NCAM2: variants seen among roughly 807,000 people sequenced by gnomAD.
The protein encoded by NCAM2 is neural cell adhesion molecule 2.
A neutral mutation model predicts 98.1 loss-of-function variants in NCAM2; 30 were observed. That is an observed-to-expected ratio of 0.31 (90% CI 0.23 to 0.41). NCAM2 has a LOEUF of 0.41. Ranked by LOEUF, NCAM2 falls within the 10% of genes least tolerant of loss-of-function variation. The pLI is 1.00. For synonymous variants in NCAM2, 368 were observed against 342.4 expected (o/e 1.07, Z -0.83); for missense variants, 867 against 1,005.8 (o/e 0.86, Z 1.87).
intron 1 of NCAM2, among the ~76,000 whole-genome samples, chr21:21,129,376 AAAG>A (rs1181496186): frequency 6.6e-6 from 1 of 152,182 alleles, no homozygotes; most frequent in Non-Finnish European, 1.5e-5. Flanking sequence ...ATAGCAAATA[AAAG>A]AAGGTTAAAG....
intron 1 of NCAM2, among the ~76,000 whole-genome samples, chr21:21,266,629 A>T (rs201506166): frequency 1.3e-5 from 2 of 151,988 alleles, no homozygotes; most frequent in Non-Finnish European, 2.9e-5. Context: ...GGACAAAAAA[A>T]CAAACACCGT....
chr21:21,205,671 G>A (rs1453789282), intron 1 of NCAM2, among the ~76,000 whole-genome samples: 1 of 152,024 alleles, frequency 6.6e-6, no homozygotes, highest in East Asian at 1.9e-4. Flanking sequence ...TTCAAGAAAT[G>A]TTAGGAGTGA....
intron 11 of NCAM2, among the ~76,000 whole-genome samples, chr21:21,421,394 A>T (rs2077108040): frequency 6.9e-6 from 1 of 144,262 alleles, no homozygotes; most frequent in South Asian, 2.3e-4. Flanking sequence ...AAATTTTTTG[A>T]ATATTTTTCA....
intron 12 of NCAM2, among the ~76,000 whole-genome samples, chr21:21,455,417 T>C (rs1160048510): frequency 6.6e-6 from 1 of 151,836 alleles, no homozygotes; most frequent in Admixed American, 6.6e-5. Context: ...TTTTTTTTCC[T>C]TTTAATTTAG....
At chr21:21,204,810 T>C (rs1041782145) in intron 1 of NCAM2, among the ~76,000 whole-genome samples, 3 of 152,160 alleles carry the variant, frequency 2.0e-5, no homozygotes, top group Admixed American at 2.0e-4. Context: ...TTTTTCTTAA[T>C]TGCTTTTTGG....
At chr21:21,461,670 G>T (rs539937031) in intron 12 of NCAM2, among the ~76,000 whole-genome samples, 2 of 151,518 alleles carry the variant, frequency 1.3e-5, no homozygotes, top group Non-Finnish European at 3.0e-5. Flanking sequence ...TATGCATACA[G>T]GTAAAAGTAT....
At chr21:21,389,676 A>C (rs74335847) in intron 9 of NCAM2, among the ~76,000 whole-genome samples, 1 of 152,050 alleles carries the variant, frequency 6.6e-6, no homozygotes, top group Non-Finnish European at 1.5e-5. Flanking sequence ...AAGTGAGAAC[A>C]TTGTCTTTTA....
At chr21:21,453,422 G>A (rs1423590805) in intron 12 of NCAM2, among the ~76,000 whole-genome samples, 2 of 151,930 alleles carry the variant, frequency 1.3e-5, no homozygotes, top group South Asian at 2.1e-4. Context: ...AATGAAGTAG[G>A]AGTAGACAGA....
intron 5 of NCAM2, among the ~76,000 whole-genome samples, chr21:21,306,430 GATTCTGTTTATTCCGGATAAT>G: frequency 6.6e-6 from 1 of 152,124 alleles, no homozygotes; most frequent in East Asian, 1.9e-4. Context: ...ATTAGGAATT[GATTCTGTTTATTCCGGATAAT>G]ATTTGCTCCA....
At chr21:21,372,843 T>G (rs2075950600) in intron 8 of NCAM2, among the ~76,000 whole-genome samples, 1 of 151,908 alleles carries the variant, frequency 6.6e-6, no homozygotes, top group Non-Finnish European at 1.5e-5. Flanking sequence ...TATACACCAA[T>G]AGTTTTTCAC....
At chr21:21,086,417 T>C (rs1158896938) in intron 1 of NCAM2, among the ~76,000 whole-genome samples, 3 of 152,194 alleles carry the variant, frequency 2.0e-5, no homozygotes, top group Non-Finnish European at 4.4e-5. Flanking sequence ...TACGTTTACA[T>C]TTGTATTTAC....
intron 1 of NCAM2, chr21:21,223,333 T>G (rs2147144104): frequency 1.3e-5 from 2 of 152,262 alleles, no homozygotes; most frequent in East Asian, 3.9e-4. Flanking sequence ...TTTTTCGGAT[T>G]TTTTCATTTC....
intron 8 of NCAM2, among the ~76,000 whole-genome samples, chr21:21,348,062 A>T (rs2075236923): frequency 6.6e-6 from 1 of 152,102 alleles, no homozygotes; most frequent in Non-Finnish European, 1.5e-5. Flanking sequence ...CACTACAAGG[A>T]TGCCTACTGT....
intron 1 of NCAM2, among the ~76,000 whole-genome samples, chr21:21,091,027 T>A (rs754756848): frequency 5.9e-5 from 9 of 152,200 alleles, no homozygotes; most frequent in Non-Finnish European, 1.2e-4. Context: ...TGAAGTCTTT[T>A]GCCACCAGAA....
At chr21:21,352,839 AAAAG>A (rs1316891553) in intron 8 of NCAM2, among the ~76,000 whole-genome samples, 3 of 151,252 alleles carry the variant, frequency 2.0e-5, no homozygotes, top group African/African-American at 7.3e-5. Flanking sequence ...AAAAAAAAAA[AAAAG>A]AAAGTGTTTT....
At chr21:21,011,404 C>T (rs61138101) in intron 1 of NCAM2, among the ~76,000 whole-genome samples, 59,780 of 151,718 alleles carry the variant, frequency 0.39, 13,385 homozygotes, top group East Asian at 0.73. Context: ...CTAGGAGTAG[C>T]TCTAGCTTCA....
At chr21:21,412,980 A>G in intron 10 of NCAM2, among the ~76,000 whole-genome samples, 1 of 152,204 alleles carries the variant, frequency 6.6e-6, no homozygotes. Flanking sequence ...ACAAGTTGTC[A>G]GTAATAAATT....
chr21:21,039,480 T>A (rs2064861671), intron 1 of NCAM2, among the ~76,000 whole-genome samples: 1 of 152,170 alleles, frequency 6.6e-6, no homozygotes, highest in Non-Finnish European at 1.5e-5. Context: ...TGATAAATGC[T>A]CCAGGTGATG....
chr21:21,396,564 G>A (rs569326349), intron 9 of NCAM2, among the ~76,000 whole-genome samples: 84 of 152,214 alleles, frequency 5.5e-4, no homozygotes, highest in African/African-American at 1.9e-3. Flanking sequence ...TCCCATACCC[G>A]CCAAGGGTGA....
Sources: gnomAD v4.1 joint callset for allele counts (sites outside exome capture counted in the v4.1 genomes callset) on GRCh38, gnomAD v4.1.1 for gene constraint, MANE v1.5 for transcripts, NCBI Gene and HGNC (gene_info 2026-07-23, HGNC 2026-07-21) for gene names.